Variants in BICRAL observed in about 807,000 individuals in gnomAD.
BICRAL encodes BRD4-interacting chromatin-remodeling complex-associated protein-like.
BICRAL carries 8 observed loss-of-function variants against 91.8 expected under a neutral mutation model. That is an observed-to-expected ratio of 0.09 (90% CI 0.05 to 0.16). The LOEUF (loss-of-function observed/expected upper bound fraction) is 0.16, where lower values mean the gene tolerates loss of function less well. Ranked by LOEUF, BICRAL falls within the 10% of genes least tolerant of loss-of-function variation. BICRAL has a pLI of 1.00. For synonymous variants in BICRAL, 445 were observed against 491.1 expected (o/e 0.91, Z 1.24); for missense variants, 1,038 against 1,310.9 (o/e 0.79, Z 3.21).
At chr6:42,834,410 C>T (rs1407942434) in intron 6 of BICRAL, among the ~76,000 whole-genome samples, 1 of 152,206 alleles carries the variant, frequency 6.6e-6, no homozygotes, top group African/African-American at 2.4e-5. Context: ...TCTCATCAAA[C>T]TTGCACATGA....
chr6:42,758,883 GTC>G (rs2113829050), intron 1 of BICRAL, among the ~76,000 whole-genome samples: 1 of 152,296 alleles, frequency 6.6e-6, no homozygotes, highest in South Asian at 2.1e-4. Context: ...AGACCAAAAA[GTC>G]TCTGCCTTCT....
intron 6 of BICRAL, among the ~76,000 whole-genome samples, chr6:42,833,640 G>T (rs1764562817): frequency 6.6e-6 from 1 of 151,826 alleles, no homozygotes; most frequent in East Asian, 1.9e-4. Flanking sequence ...TACAGACAGG[G>T]TTTCTCCGTG....
At chr6:42,766,836 C>T (rs370148130) in intron 1 of BICRAL, among the ~76,000 whole-genome samples, 5 of 152,042 alleles carry the variant, frequency 3.3e-5, no homozygotes, top group Non-Finnish European at 2.9e-5. Flanking sequence ...GTCAGGAGAT[C>T]GAGACCATCC....
At chr6:42,785,562 CAA>C (rs5875817) in intron 1 of BICRAL, among the ~76,000 whole-genome samples, 10 of 126,804 alleles carry the variant, frequency 7.9e-5, no homozygotes, top group Admixed American at 1.6e-4. Context: ...ACTCCCATCT[CAA>C]AAAAAAAAAA....
chr6:42,842,428 A>C (rs1451808871), intron 6 of BICRAL, among the ~76,000 whole-genome samples: 1 of 152,190 alleles, frequency 6.6e-6, no homozygotes, highest in East Asian at 1.9e-4. Flanking sequence ...GGAGCTTCTC[A>C]TTCCCACGGG....
At chr6:42,776,528 T>A (rs1244768059) in intron 1 of BICRAL, among the ~76,000 whole-genome samples, 2 of 151,476 alleles carry the variant, frequency 1.3e-5, no homozygotes, top group Non-Finnish European at 2.9e-5. Context: ...TTGTATTTTT[T>A]GTAGAAATGG....
At chr6:42,844,506 C>T in intron 6 of BICRAL, among the ~76,000 whole-genome samples, 1 of 38,244 alleles carries the variant, frequency 2.6e-5, no homozygotes, top group African/African-American at 8.4e-5. Flanking sequence ...AAGACTCCAT[C>T]TCAAAAAAAA....
upstream of BICRAL, among the ~76,000 whole-genome samples, chr6:42,778,550 C>T (rs899500849): frequency 6.6e-6 from 1 of 152,174 alleles, no homozygotes; most frequent in Admixed American, 6.5e-5. Context: ...TGGACATTCT[C>T]TTTAAAAAGC....
At chr6:42,781,661 G>C (rs1348330639), upstream of BICRAL, among the ~76,000 whole-genome samples, 1 of 150,048 alleles carries the variant, frequency 6.7e-6, no homozygotes, top group Non-Finnish European at 1.5e-5. Flanking sequence ...CGCACCTCGT[G>C]GATCTTAGTA....
At chr6:42,794,698 T>TA (rs377628981) in intron 1 of BICRAL, among the ~76,000 whole-genome samples, 102 of 151,140 alleles carry the variant, frequency 6.7e-4, no homozygotes, top group Non-Finnish European at 9.7e-4. Context: ...CCTGTACTCC[T>TA]AGCAGTTTGC....
rs189069875 is a variant in BICRAL at position 42,822,856 on chromosome 6, A to G, written c.90+12A>G. The stretch of plus-strand genomic sequence containing the variant: ...CTAGTAATAAATCTGTAAGTAATGC[A>G]TAGAATACCACAGACATCTATTTTG... On this transcript the variant is annotated intron_variant, in intron 4 of 12. Coordinates refer to ENST00000314073, the MANE Select transcript of BICRAL (RefSeq NM_001393499.1). The G allele has an allele frequency of 7.7e-3, 11,720 of 1,530,192 alleles. 52 individuals carry two copies. The highest frequency in any genetic ancestry group is 0.013 in the South Asian group (1,165 of 89,340). 94.8% of individuals were successfully genotyped at this position (1,530,192 alleles called of 1,614,324 possible).
intron 2 of BICRAL, among the ~76,000 whole-genome samples, chr6:42,819,354 C>A (rs543480146): frequency 6.6e-6 from 1 of 152,114 alleles, no homozygotes; most frequent in Non-Finnish European, 1.5e-5. Context: ...GGCATGATCT[C>A]GGCTCACTGC....
chr6:42,864,059 C>T (rs546044624), intron 12 of BICRAL, among the ~76,000 whole-genome samples: 15 of 151,818 alleles, frequency 9.9e-5, no homozygotes, highest in East Asian at 3.9e-4. Flanking sequence ...CCCAGCTACT[C>T]GGGAAGCTAA....
At chr6:42,772,252 T>G (rs1290816952) in intron 1 of BICRAL, among the ~76,000 whole-genome samples, 1 of 152,130 alleles carries the variant, frequency 6.6e-6, no homozygotes, top group Non-Finnish European at 1.5e-5. Flanking sequence ...TTTGTTTCAA[T>G]TATATATCTA....
At chr6:42,804,210 C>A (rs2113904380) in intron 1 of BICRAL, among the ~76,000 whole-genome samples, 1 of 152,274 alleles carries the variant, frequency 6.6e-6, no homozygotes, top group South Asian at 2.1e-4. Flanking sequence ...TTAGTAGAGA[C>A]AAGGTTTCTC....
intron 1 of BICRAL, among the ~76,000 whole-genome samples, chr6:42,783,090 G>T (rs111665865): frequency 6.6e-6 from 1 of 151,478 alleles, no homozygotes; most frequent in Non-Finnish European, 1.5e-5. Context: ...GCAGGTCCGG[G>T]GTGCGGCGGG....
At chr6:42,800,557 CT>C (rs11427598) in intron 1 of BICRAL, among the ~76,000 whole-genome samples, 8 of 147,464 alleles carry the variant, frequency 5.4e-5, no homozygotes, top group African/African-American at 5.0e-5. Context: ...TTTTTCTTTT[CT>C]TTTTTTTTTG....
intron 5 of BICRAL, among the ~76,000 whole-genome samples, chr6:42,823,409 A>T (rs925032608): frequency 6.6e-6 from 1 of 152,214 alleles, no homozygotes; most frequent in African/African-American, 2.4e-5. Context: ...GGTATGAGCC[A>T]CTGTGCCCAG....
intron 12 of BICRAL, among the ~76,000 whole-genome samples, chr6:42,863,997 C>T (rs563728436): frequency 6.6e-6 from 1 of 152,158 alleles, no homozygotes; most frequent in Admixed American, 6.6e-5. Flanking sequence ...AACCCTGCCT[C>T]TACTAAAAAT....
Sources: gnomAD v4.1 joint callset for allele counts (sites outside exome capture counted in the v4.1 genomes callset) on GRCh38, gnomAD v4.1.1 for gene constraint, MANE v1.5 for transcripts, NCBI Gene and HGNC (gene_info 2026-07-23, HGNC 2026-07-21) for gene names.